The following C3orf52 variants were observed in gnomAD, a reference collection of about 807,000 sequenced individuals.
The protein encoded by C3orf52 is chromosome 3 open reading frame 52.
Under a neutral mutation model 24.8 loss-of-function variants are expected in C3orf52, and 22 were observed. The observed-to-expected ratio is 0.89, with a 90% CI of 0.63 to 1.27. C3orf52 has a LOEUF of 1.27. C3orf52 is among the 50% of genes most tolerant of loss of function. The pLI is 0.00. For synonymous variants in C3orf52, 93 were observed against 100.2 expected, an observed-to-expected ratio of 0.93 and a Z score of 0.43; for missense variants, 265 against 260.7, an observed-to-expected ratio of 1.02 and a Z score of -0.11.
Position 112,086,540 on chromosome 3 carries a change from G to A in C3orf52, c.133G>A (p.Ala45Thr). 1 of 1,550,852 alleles carries A rather than the reference G, an allele frequency of 6.4e-7. No individual in the cohort carries two copies. Among genetic ancestry groups the A allele is most frequent in the South Asian group, 1.2e-5 (1 of 83,960 alleles). Residue 45 changes from alanine to threonine, a missense_variant, in exon 1 of 6, where the codon GCC becomes ACC. Transcript: ENST00000264848. Reference sequence around the variant, plus strand: ...TTCTTTGGACGAGGAGGTCCCCCCGGCCGAGGTAAGGTCCCCTTGGCGCTG... The same window carrying A: ...TTCTTTGGACGAGGAGGTCCCCCCGACCGAGGTAAGGTCCCCTTGGCGCTG... Reference protein sequence around the residue: ...FPSLDEEVPPAEANKESPWSS... With the variant: ...FPSLDEEVPPTEANKESPWSS...
chr3:112,104,762 C>T (rs533377019), intron 3 of C3orf52, among the ~76,000 whole-genome samples: 1 of 152,134 alleles, frequency 6.6e-6, no homozygotes, highest in African/African-American at 2.4e-5. Flanking sequence ...ACACTGTGCC[C>T]AATTTGTAGT....
chr3:112,129,568 T>C (rs532693167), downstream of C3orf52: 1 of 152,380 alleles, frequency 6.6e-6, no homozygotes, highest in South Asian at 2.1e-4. Context: ...TCTCTGGCTC[T>C]CTGGTCTACC....
At chr3:112,123,300 A>T in intron 4 of C3orf52, 1 of 1,409,104 alleles carries the variant, frequency 7.1e-7, no homozygotes, top group South Asian at 1.5e-5. Flanking sequence ...TTTGCGTGCT[A>T]AGAGGGCTTG....
intron 2 of C3orf52, among the ~76,000 whole-genome samples, chr3:112,102,611 T>G (rs2073983568): frequency 6.6e-6 from 1 of 152,178 alleles, no homozygotes; most frequent in African/African-American, 2.4e-5. Flanking sequence ...TGAGACCCCT[T>G]TGCCATAAAA....
chr3:112,113,920 G>T (rs554734434), intron 5 of C3orf52, among the ~76,000 whole-genome samples: 1 of 152,234 alleles, frequency 6.6e-6, no homozygotes, highest in South Asian at 2.1e-4. Flanking sequence ...ACCTCGCTCG[G>T]AGGCTTGTTT....
downstream of C3orf52, chr3:112,130,876 A>G (rs1351365255): frequency 1.9e-5 from 5 of 265,016 alleles, no homozygotes; most frequent in East Asian, 1.6e-4. Flanking sequence ...TCCAGGAGCT[A>G]TGCACAAGTA....
At chr3:112,092,779 A>G (rs375175499) in intron 1 of C3orf52, among the ~76,000 whole-genome samples, 21 of 151,366 alleles carry the variant, frequency 1.4e-4, no homozygotes, top group Non-Finnish European at 2.7e-4. Context: ...TCCCTTCCCA[A>G]CCCTTTTTTA....
chr3:112,124,643 G>A (rs1039703824), intron 4 of C3orf52, among the ~76,000 whole-genome samples: 9 of 151,998 alleles, frequency 5.9e-5, no homozygotes, highest in Non-Finnish European at 1.3e-4. Flanking sequence ...ATAATCTTAT[G>A]ATATCTTAAT....
downstream of C3orf52, chr3:112,121,462 A>G (rs2074198200): frequency 6.6e-6 from 1 of 152,172 alleles, no homozygotes; most frequent in Non-Finnish European, 1.5e-5. Context: ...CCTCCTGTTG[A>G]TGGTGAAGAA....
At chr3:112,092,136 C>T (rs1217419208) in intron 1 of C3orf52, among the ~76,000 whole-genome samples, 5 of 152,170 alleles carry the variant, frequency 3.3e-5, no homozygotes, top group African/African-American at 7.2e-5. Context: ...ATGACTGAGG[C>T]GCAGTTGCAC....
At chr3:112,130,816 G>C, downstream of C3orf52, 1 of 398,756 alleles carries the variant, frequency 2.5e-6, no homozygotes, top group South Asian at 2.4e-5. Flanking sequence ...GAGAGTATCC[G>C]TGTCCAGAGA....
chr3:112,103,251 G>A (rs7631566), intron 3 of C3orf52, among the ~76,000 whole-genome samples: 9,340 of 152,170 alleles, frequency 0.061, 394 homozygotes, highest in African/African-American at 0.12. Context: ...AGGAAAAAAA[G>A]TAACTATTGG....
Position 112,089,458 on chromosome 3 carries a change from G to A in C3orf52, c.138+2913G>A, listed in dbSNP as rs186763034. On this transcript the variant is annotated intron_variant, in intron 1 of 5. Coordinates refer to ENST00000264848, the MANE Select transcript of C3orf52 (RefSeq NM_024616.3). ...GCAGGAGACTCGCTTGAACCTGGGA[G>A]GCGGAGGTCGTGGTGAGCCCAGATC... is the stretch of plus-strand genomic sequence containing the variant. Among the ~76,000 whole-genome samples the A allele has an allele frequency of 6.7e-3, 1,019 of 151,074 alleles. 7 individuals carry two copies. The highest frequency in any genetic ancestry group is 0.061 in the Middle Eastern group (18 of 294).
chr3:112,092,045 A>G (rs1157703328), intron 1 of C3orf52, among the ~76,000 whole-genome samples: 1 of 149,894 alleles, frequency 6.7e-6, no homozygotes, highest in Non-Finnish European at 1.5e-5. Flanking sequence ...GAGAGAAAGC[A>G]GGCCAGGTGG....
chr3:112,134,282 G>A (rs946026918), downstream of C3orf52: 2 of 152,112 alleles, frequency 1.3e-5, no homozygotes, highest in African/African-American at 4.8e-5. Flanking sequence ...CAAGAACCTG[G>A]GTACCAACAG....
chr3:112,129,565 C>G (rs563626838), downstream of C3orf52: 1 of 152,204 alleles, frequency 6.6e-6, no homozygotes, highest in African/African-American at 2.4e-5. Context: ...CCTTCTCTGG[C>G]TCTCTGGTCT....
At chr3:112,105,432 A>G (rs16859207) in intron 3 of C3orf52, among the ~76,000 whole-genome samples, 21,601 of 152,060 alleles carry the variant, frequency 0.14, 1,702 homozygotes, top group South Asian at 0.21. Flanking sequence ...CCATTAGGTC[A>G]AGTTTCAGAA....
intron 3 of C3orf52, among the ~76,000 whole-genome samples, 179 bp from the exon 4 acceptor site, chr3:112,109,364 G>A (rs2074056338): frequency 6.6e-6 from 1 of 152,182 alleles, no homozygotes; most frequent in Non-Finnish European, 1.5e-5. Flanking sequence ...TTTTGAAGTA[G>A]CATTAACTTG....
chr3:112,123,059 C>T, downstream of C3orf52: 1 of 223,390 alleles, frequency 4.5e-6, no homozygotes, highest in Non-Finnish European at 8.9e-6. Context: ...CCCTTGGGCA[C>T]ACTTAGTATG....
Sources: allele counts gnomAD v4.1 joint callset (sites outside exome capture counted in the v4.1 genomes callset), GRCh38; gene constraint gnomAD v4.1.1; transcripts MANE v1.5; gene names NCBI Gene and HGNC (gene_info 2026-07-23, HGNC 2026-07-21).